GRIN2A: variants seen among roughly 807,000 people sequenced by gnomAD.
GRIN2A encodes glutamate receptor ionotropic, NMDA 2A.
In GRIN2A, 22 loss-of-function variants were observed where a neutral mutation model predicts 113.4. The ratio of observed to expected loss-of-function variants is 0.19; its 90% CI spans 0.14 to 0.28. The LOEUF (loss-of-function observed/expected upper bound fraction) is 0.28, where lower values mean the gene tolerates loss of function less well. GRIN2A is among the 10% of genes least tolerant of loss of function. GRIN2A has a pLI of 1.00. For synonymous variants in GRIN2A, 827 were observed against 738.4 expected (o/e 1.12, Z -1.94); for missense variants, 1,502 against 1,887.0 (o/e 0.80, Z 3.78).
At chr16:10,070,873 G>A (rs1172316194) in intron 2 of GRIN2A, among the ~76,000 whole-genome samples, 1 of 152,294 alleles carries the variant, frequency 6.6e-6, no homozygotes, top group East Asian at 1.9e-4. Context: ...TTTCTCATGG[G>A]TACTTTGCCC....
Position 9,768,865 on chromosome 16 carries a change from A to C in GRIN2A, c.2581T>G (p.Phe861Val). The C allele has an allele frequency of 6.2e-7, 1 of 1,613,722 alleles. No individual in the cohort carries two copies. Among genetic ancestry groups the C allele is most frequent in the Non-Finnish European group, 8.5e-7 (1 of 1,179,582 alleles). Reference protein sequence around the residue: ...GVCSDRPGLLFSISRGIYSCI... With the variant: ...GVCSDRPGLLVSISRGIYSCI... The stretch of plus-strand genomic sequence containing the variant: ...GGTGTACTGACCCTGCTGATGGAGA[A>C]GAGCAACCCAGGCCGGTCGGAGCAC... The change falls in exon 12 of 13, where the codon TTC becomes GTC. Residue 861 changes from phenylalanine to valine, a missense_variant. Physicochemically the swap from Phe to Val is conservative, Grantham distance 50. Coordinates refer to ENST00000330684, the MANE Select transcript of GRIN2A (RefSeq NM_001134407.3).
rs1275800896 is a variant in GRIN2A, at chr16:9,764,954, G to T, written c.2596-6C>A. On this transcript the variant is annotated splice_region_variant and splice_polypyrimidine_tract_variant and intron_variant, in intron 12 of 12. Transcript: ENST00000330684. Reference sequence around the variant, plus strand: ...TGAATGCAGCTGTAGATGCCCTGTAGGGGAGCAACATAAAGCACTGTCAGC... The same window carrying T: ...TGAATGCAGCTGTAGATGCCCTGTATGGGAGCAACATAAAGCACTGTCAGC... The T allele has an allele frequency of 6.2e-7, 1 of 1,614,028 alleles. No individual in the cohort carries two copies. The highest frequency in any genetic ancestry group is 8.5e-7 in the Non-Finnish European group (1 of 1,180,016).
chr16:10,043,852 T>A (rs1017382626), intron 2 of GRIN2A, among the ~76,000 whole-genome samples: 17 of 151,772 alleles, frequency 1.1e-4, no homozygotes, highest in Non-Finnish European at 2.1e-4. Flanking sequence ...GCTTGATCAA[T>A]GGAAGGGGGC....
Position 10,038,062 on chromosome 16 carries a change from A to T in GRIN2A, c.415-99511T>A, listed in dbSNP as rs79457840. On this transcript the variant is annotated intron_variant, in intron 2 of 12. Coordinates refer to ENST00000330684, the MANE Select transcript of GRIN2A (RefSeq NM_001134407.3). ...TTCAGGCTGCTGTAACAAAACACAT[A>T]AACTGCGCGTAAAAACAACAGACTT... is the stretch of plus-strand genomic sequence containing the variant. Among the ~76,000 whole-genome samples, 235 of 150,068 alleles carry T rather than the reference A, an allele frequency of 1.6e-3. 1 individual carries two copies. The East Asian group carries it at 0.02, about 13-fold the overall frequency.
intron 2 of GRIN2A, among the ~76,000 whole-genome samples, chr16:10,079,352 G>T (rs893010674): frequency 5.9e-5 from 9 of 152,212 alleles, no homozygotes; most frequent in African/African-American, 2.2e-4. Flanking sequence ...GGCCTTTAAG[G>T]GGAGACCTGA....
chr16:9,884,457 G>A (rs753754182), intron 4 of GRIN2A, among the ~76,000 whole-genome samples: 7 of 152,082 alleles, frequency 4.6e-5, no homozygotes, highest in Non-Finnish European at 1.0e-4. Context: ...GCTGAGACAG[G>A]AGAATTGCTT....
At chr16:10,139,371 G>A (rs377373188) in intron 2 of GRIN2A, among the ~76,000 whole-genome samples, 1 of 152,290 alleles carries the variant, frequency 6.6e-6, no homozygotes, top group African/African-American at 2.4e-5. Context: ...AAGAGGCCTA[G>A]GGCAAGAGGG....
chr16:9,840,586 G>A (rs2141341312), intron 7 of GRIN2A, 61 bp downstream of exon 7: 1 of 1,499,654 alleles, frequency 6.7e-7, no homozygotes, highest in Non-Finnish European at 9.3e-7. Flanking sequence ...CATCCTCTGA[G>A]CAAACAAGAT....
At chr16:10,118,447 A>G (rs2048770998) in intron 2 of GRIN2A, among the ~76,000 whole-genome samples, 1 of 152,028 alleles carries the variant, frequency 6.6e-6, no homozygotes, top group Admixed American at 6.6e-5. Context: ...CCTGTTTTGC[A>G]ATTTTCAGGT....
At chr16:9,939,328 A>G (rs2044799307) in intron 2 of GRIN2A, among the ~76,000 whole-genome samples, 1 of 152,214 alleles carries the variant, frequency 6.6e-6, no homozygotes, top group African/African-American at 2.4e-5. Context: ...CAGAAGCTGT[A>G]GATGAATGCA....
intron 10 of GRIN2A, among the ~76,000 whole-genome samples, chr16:9,802,048 T>C (rs1903394077): frequency 6.6e-6 from 1 of 152,160 alleles, no homozygotes; most frequent in Non-Finnish European, 1.5e-5. Flanking sequence ...AAAGGGCTAT[T>C]ATTAAAAAGT....
intron 11 of GRIN2A, among the ~76,000 whole-genome samples, chr16:9,793,404 T>C (rs538249995): frequency 2.0e-5 from 3 of 152,236 alleles, no homozygotes; most frequent in Admixed American, 2.0e-4. Context: ...TTTTTGAAAA[T>C]CACAAAATGC....
chr16:9,931,612 A>G (rs75893210), intron 3 of GRIN2A, among the ~76,000 whole-genome samples: 2,221 of 152,254 alleles, frequency 0.015, 45 homozygotes, highest in African/African-American at 0.051. Flanking sequence ...TATTTCTCCC[A>G]AGGTAATCCT....
intron 3 of GRIN2A, among the ~76,000 whole-genome samples, chr16:9,922,544 C>T (rs977590492): frequency 1.3e-5 from 2 of 152,110 alleles, no homozygotes; most frequent in Admixed American, 6.5e-5. Flanking sequence ...ATTCTTCATG[C>T]CCTCATACCC....
intron 4 of GRIN2A, 32 bp downstream of exon 4, chr16:9,890,954 C>T (rs2043682564): frequency 1.5e-6 from 2 of 1,326,706 alleles, no homozygotes; most frequent in African/African-American, 2.9e-5. Flanking sequence ...TTTCTTCCCT[C>T]CCCTGCATTC....
intron 3 of GRIN2A, among the ~76,000 whole-genome samples, chr16:9,914,495 A>T (rs979337658): frequency 6.6e-6 from 1 of 152,246 alleles, no homozygotes; most frequent in African/African-American, 2.4e-5. Flanking sequence ...CTGGCTTCTG[A>T]ACAGCACAGG....
At chr16:9,855,323 A>G (rs781446695) in intron 4 of GRIN2A, among the ~76,000 whole-genome samples, 2 of 152,236 alleles carry the variant, frequency 1.3e-5, no homozygotes, top group Non-Finnish European at 2.9e-5. Context: ...TTATAAGATA[A>G]TAACAACAAA....
At chr16:9,969,928 C>T (rs1596373961) in intron 2 of GRIN2A, among the ~76,000 whole-genome samples, 2 of 152,242 alleles carry the variant, frequency 1.3e-5, no homozygotes, top group African/African-American at 4.8e-5. Context: ...ACGCCTACTC[C>T]CGCACGCCAT....
chr16:9,811,740 C>A (rs2042090700), intron 10 of GRIN2A, among the ~76,000 whole-genome samples: 1 of 152,154 alleles, frequency 6.6e-6, no homozygotes, highest in Admixed American at 6.5e-5. Flanking sequence ...GCCCTGGTGA[C>A]AGAGTGAGGC....
Sources: allele counts gnomAD v4.1 joint callset (sites outside exome capture counted in the v4.1 genomes callset), GRCh38; gene constraint gnomAD v4.1.1; transcripts MANE v1.5; gene names NCBI Gene and HGNC (gene_info 2026-07-23, HGNC 2026-07-21).